The following RORA variants were observed in gnomAD, a reference collection of about 807,000 sequenced individuals.
The protein encoded by RORA is RAR related orphan receptor A.
In RORA, 7 loss-of-function variants were observed where a neutral mutation model predicts 69.5. The observed-to-expected ratio is 0.10, with a 90% CI of 0.06 to 0.19. RORA has a LOEUF of 0.19. RORA is among the 10% of genes least tolerant of loss of function. The pLI, the probability that RORA is intolerant of heterozygous loss-of-function variation, is 1.00. For missense variants in RORA, 457 were observed against 663.0 expected, an observed-to-expected ratio of 0.69 and a Z score of 3.41; for synonymous variants, 261 against 240.8, an observed-to-expected ratio of 1.08 and a Z score of -0.78.
At chr15:60,665,974 CT>C (rs1390198956) in intron 2 of RORA, among the ~76,000 whole-genome samples, 9 of 152,050 alleles carry the variant, frequency 5.9e-5, no homozygotes, top group South Asian at 2.1e-4. Flanking sequence ...TGTACCCAGC[CT>C]ATTCTTTCTT....
chr15:60,951,661 C>A (rs1447999358), intron 1 of RORA, among the ~76,000 whole-genome samples: 1 of 151,968 alleles, frequency 6.6e-6, no homozygotes, highest in African/African-American at 2.4e-5. Flanking sequence ...ACTACAAACA[C>A]CTCTACGCAA....
intron 2 of RORA, among the ~76,000 whole-genome samples, chr15:60,589,430 G>A (rs755420888): frequency 6.6e-6 from 1 of 152,114 alleles, no homozygotes; most frequent in Non-Finnish European, 1.5e-5. Context: ...GAAGCAAAGG[G>A]GTATATCATC....
intron 2 of RORA, among the ~76,000 whole-genome samples, chr15:60,581,009 T>G (rs79228554): frequency 0.014 from 2,137 of 152,332 alleles, 50 homozygotes; most frequent in African/African-American, 0.049. Context: ...CAAATATAAC[T>G]ACAGCACCCA....
chr15:61,201,264 G>A (rs1183152976), intron 1 of RORA, among the ~76,000 whole-genome samples: 2 of 152,160 alleles, frequency 1.3e-5, no homozygotes, highest in Non-Finnish European at 2.9e-5. Context: ...GCACACCCAT[G>A]AACCTGCTCC....
At chr15:60,757,472 C>G (rs1046675900) in intron 1 of RORA, among the ~76,000 whole-genome samples, 6 of 152,182 alleles carry the variant, frequency 3.9e-5, no homozygotes, top group African/African-American at 1.4e-4. Flanking sequence ...GGCCTTTGCA[C>G]TAGCTGTTCT....
At chr15:60,546,860 G>C (rs2067085761) in intron 2 of RORA, among the ~76,000 whole-genome samples, 2 of 152,202 alleles carry the variant, frequency 1.3e-5, no homozygotes, top group South Asian at 2.1e-4. Flanking sequence ...ATTACTATCA[G>C]ATTATGACAA....
chr15:61,176,057 C>G (rs2079626711), intron 1 of RORA: 1 of 152,208 alleles, frequency 6.6e-6, no homozygotes, highest in Admixed American at 6.5e-5. Flanking sequence ...AACACACACA[C>G]ACACATTCTT....
intron 1 of RORA, among the ~76,000 whole-genome samples, chr15:60,998,930 G>A (rs563795204): frequency 5.9e-5 from 9 of 152,300 alleles, no homozygotes; most frequent in Admixed American, 4.6e-4. Context: ...GGCTATCTCC[G>A]CTCAGTGACA....
At chr15:61,179,985 CAA>C (rs570290376) in intron 1 of RORA, among the ~76,000 whole-genome samples, 1 of 143,154 alleles carries the variant, frequency 7.0e-6, no homozygotes, top group Admixed American at 7.0e-5. Flanking sequence ...AAAAAAAAAA[CAA>C]AAAAAAAATA....
chr15:60,835,928 G>T (rs1018977649), intron 1 of RORA, among the ~76,000 whole-genome samples: 10 of 152,122 alleles, frequency 6.6e-5, no homozygotes, highest in African/African-American at 2.4e-4. Context: ...AGCTTCCCTG[G>T]TATTTGTTTT....
chr15:60,632,513 A>AT (rs775097232), intron 2 of RORA, among the ~76,000 whole-genome samples: 4 of 152,138 alleles, frequency 2.6e-5, no homozygotes, highest in Non-Finnish European at 5.9e-5. Context: ...ACAATGAATA[A>AT]TTTTTTAGTA....
intron 1 of RORA, among the ~76,000 whole-genome samples, chr15:60,939,518 T>C (rs1892624823): frequency 6.6e-6 from 1 of 152,192 alleles, no homozygotes; most frequent in South Asian, 2.1e-4. Flanking sequence ...ATAGCGGCCT[T>C]AAGTGTTCAT....
chr15:60,544,322 A>C (rs1315852099), intron 2 of RORA, among the ~76,000 whole-genome samples: 1 of 152,208 alleles, frequency 6.6e-6, no homozygotes, highest in African/African-American at 2.4e-5. Flanking sequence ...AAGGGATAGA[A>C]AGTGGAAGAG....
intron 1 of RORA, among the ~76,000 whole-genome samples, chr15:60,995,071 G>T (rs1182193711): frequency 3.3e-5 from 5 of 152,100 alleles, no homozygotes; most frequent in African/African-American, 7.2e-5. Flanking sequence ...GTTATAAAAA[G>T]ATTTTTAAAA....
intron 1 of RORA, among the ~76,000 whole-genome samples, chr15:60,960,613 T>C (rs1893390489): frequency 6.6e-6 from 1 of 152,128 alleles, no homozygotes; most frequent in African/African-American, 2.4e-5. Flanking sequence ...AAAATCCATT[T>C]TCATCATGTT....
intron 1 of RORA, among the ~76,000 whole-genome samples, chr15:60,704,231 G>A (rs2071026795): frequency 6.6e-6 from 1 of 152,178 alleles, no homozygotes. Context: ...TTTACATCTC[G>A]GCTCTTCTCT....
At chr15:61,194,537 T>C (rs1256849597) in intron 1 of RORA, among the ~76,000 whole-genome samples, 2 of 57,766 alleles carry the variant, frequency 3.5e-5, no homozygotes, top group African/African-American at 8.0e-5. Flanking sequence ...CACTCCAGCC[T>C]AGGAGGAAAA....
At chr15:60,997,530 T>C (rs970243769) in intron 1 of RORA, among the ~76,000 whole-genome samples, 1 of 152,186 alleles carries the variant, frequency 6.6e-6, no homozygotes, top group Non-Finnish European at 1.5e-5. Flanking sequence ...ATTAAAAACA[T>C]CTTCAAAAAT....
chr15:60,977,018 G>A (rs756637058), intron 1 of RORA, among the ~76,000 whole-genome samples: 1 of 150,606 alleles, frequency 6.6e-6, no homozygotes, highest in Admixed American at 6.7e-5. Flanking sequence ...ACACACATAT[G>A]ATTAGTACCT....
Sources: allele counts gnomAD v4.1 joint callset (sites outside exome capture counted in the v4.1 genomes callset), GRCh38; gene constraint gnomAD v4.1.1; transcripts MANE v1.5; gene names NCBI Gene and HGNC (gene_info 2026-07-23, HGNC 2026-07-21).